CFAP77: variants seen among roughly 807,000 people sequenced by gnomAD.
CFAP77 encodes cilia and flagella associated protein 77.
In CFAP77, 25 loss-of-function variants were observed where a neutral mutation model predicts 31.1. That is an observed-to-expected ratio of 0.80 (90% CI 0.59 to 1.12). CFAP77 has a LOEUF of 1.12. Among genes scored for constraint, CFAP77 ranks in the 50% most tolerant of loss-of-function variants. The pLI, the probability that CFAP77 is intolerant of heterozygous loss-of-function variation, is 0.00. For missense variants in CFAP77, 377 were observed against 397.3 expected (o/e 0.95, Z 0.44); for synonymous variants, 151 against 159.9 (o/e 0.94, Z 0.42).
Position 132,539,709 on chromosome 9 carries a change from G to A in CFAP77, c.630+2003G>A, listed in dbSNP as rs1481028985. Reference sequence around the variant, plus strand: ...GTGGCGGGTGCCAGGGCCTCTCCTGGCTCTTCTCAGCAGTCTGCAGAACGT... The same window carrying A: ...GTGGCGGGTGCCAGGGCCTCTCCTGACTCTTCTCAGCAGTCTGCAGAACGT... On this transcript the variant is annotated intron_variant, in intron 4 of 5. Coordinates refer to ENST00000393216, the MANE Select transcript of CFAP77 (RefSeq NM_001282957.2). This position sits in a 1 kb window ranked among gnomAD's most constrained non-coding sequence, Gnocchi z 4.3. Among the ~76,000 whole-genome samples, 1 of 152,140 alleles carries A rather than the reference G, an allele frequency of 6.6e-6. No individual in the cohort carries two copies. The highest frequency in any genetic ancestry group is 1.5e-5 in the Non-Finnish European group (1 of 68,026).
At chr9:132,445,459 C>G (rs1850693548) in intron 1 of CFAP77, among the ~76,000 whole-genome samples, 1 of 152,182 alleles carries the variant, frequency 6.6e-6, no homozygotes. Flanking sequence ...TATGGATAGA[C>G]CACATTTTGT....
At chr9:132,561,589 C>T (rs189954129) in intron 5 of CFAP77, among the ~76,000 whole-genome samples, 148 of 143,448 alleles carry the variant, frequency 1.0e-3, no homozygotes, top group African/African-American at 3.7e-3. Flanking sequence ...TTTCTTCTGG[C>T]CATTGAGGTG....
chr9:132,487,539 A>T (rs1851582456), intron 1 of CFAP77, among the ~76,000 whole-genome samples: 1 of 151,932 alleles, frequency 6.6e-6, no homozygotes, highest in Non-Finnish European at 1.5e-5. Flanking sequence ...ATCCTCACAC[A>T]TCACAGTTAT....
At chr9:132,549,518 G>C (rs140687620) in intron 5 of CFAP77, among the ~76,000 whole-genome samples, 109 of 152,282 alleles carry the variant, frequency 7.2e-4, no homozygotes, top group African/African-American at 2.6e-3. Context: ...TCAGTATGCC[G>C]ACGAGCTGAC....
intron 3 of CFAP77, among the ~76,000 whole-genome samples, chr9:132,506,812 G>A (rs1358203904): frequency 6.6e-6 from 1 of 152,126 alleles, no homozygotes; most frequent in Non-Finnish European, 1.5e-5. Context: ...TTCTATCCCC[G>A]TTTTACAGAA....
intron 3 of CFAP77, among the ~76,000 whole-genome samples, chr9:132,503,057 A>G (rs1014476585): frequency 6.6e-6 from 1 of 152,194 alleles, no homozygotes; most frequent in Non-Finnish European, 1.5e-5. Context: ...TACCAGGCAC[A>G]TCTCTCCCCA....
chr9:132,464,304 C>T (rs1332924097), intron 1 of CFAP77, among the ~76,000 whole-genome samples: 1 of 152,134 alleles, frequency 6.6e-6, no homozygotes, highest in African/African-American at 2.4e-5. Flanking sequence ...CCCAGCATCT[C>T]CCATTTTACA....
chr9:132,454,034 A>G (rs889893100), intron 1 of CFAP77, among the ~76,000 whole-genome samples: 1 of 152,214 alleles, frequency 6.6e-6, no homozygotes, highest in African/African-American at 2.4e-5. Context: ...TAATTGATGT[A>G]CATTCTTTGC....
At chr9:132,457,092 A>G (rs1850930843) in intron 1 of CFAP77, among the ~76,000 whole-genome samples, 1 of 152,124 alleles carries the variant, frequency 6.6e-6, no homozygotes, top group Admixed American at 6.5e-5. Flanking sequence ...ACTCAGGGCA[A>G]TCCTTCTTAT....
At chr9:132,428,250 T>C (rs1850349427) in intron 1 of CFAP77, among the ~76,000 whole-genome samples, 1 of 151,694 alleles carries the variant, frequency 6.6e-6, no homozygotes, top group African/African-American at 2.4e-5. Context: ...GCTCAAGCAA[T>C]CCTCCTGCAT....
At chr9:132,468,411 A>C (rs1435550633) in intron 1 of CFAP77, among the ~76,000 whole-genome samples, 1 of 152,116 alleles carries the variant, frequency 6.6e-6, no homozygotes, top group East Asian at 1.9e-4. Context: ...CCACTCCAGC[A>C]CTTTCCACTC....
chr9:132,569,715 G>A (rs1829930331), intron 5 of CFAP77, among the ~76,000 whole-genome samples: 3 of 143,272 alleles, frequency 2.1e-5, no homozygotes, highest in Non-Finnish European at 3.0e-5. Flanking sequence ...CTTCCTAAGT[G>A]TCTCTAGCTG....
intron 3 of CFAP77, among the ~76,000 whole-genome samples, chr9:132,502,302 CTTTATTT>C (rs2118972307): frequency 6.8e-6 from 1 of 147,262 alleles, no homozygotes; most frequent in East Asian, 2.0e-4. Flanking sequence ...GTAGTTCCTT[CTTTATTT>C]TTTATTTTTT....
chr9:132,521,801 CTG>C (rs2119020307), intron 3 of CFAP77, among the ~76,000 whole-genome samples: 1 of 109,224 alleles, frequency 9.2e-6, no homozygotes, highest in South Asian at 3.2e-4. Flanking sequence ...AAGTCTCACT[CTG>C]TCACCCAGGC....
intron 1 of CFAP77, among the ~76,000 whole-genome samples, chr9:132,435,005 A>G (rs1415861071): frequency 6.6e-6 from 1 of 152,230 alleles, no homozygotes; most frequent in Non-Finnish European, 1.5e-5. Context: ...CGCTTGAATT[A>G]TACTTGAATG....
chr9:132,419,762 T>C (rs999140347), intron 1 of CFAP77, among the ~76,000 whole-genome samples: 1 of 152,108 alleles, frequency 6.6e-6, no homozygotes, highest in Non-Finnish European at 1.5e-5. Context: ...ACACCTACAA[T>C]GTGCAAGGGA....
intron 1 of CFAP77, among the ~76,000 whole-genome samples, chr9:132,461,953 G>A (rs1442443661): frequency 6.6e-6 from 1 of 152,208 alleles, no homozygotes; most frequent in Non-Finnish European, 1.5e-5. Context: ...TGTTAAGGAG[G>A]AGGAGAAATC....
intron 5 of CFAP77, among the ~76,000 whole-genome samples, chr9:132,560,416 C>A (rs1268499495): frequency 6.6e-6 from 1 of 152,136 alleles, no homozygotes; most frequent in Non-Finnish European, 1.5e-5. Context: ...ACACACACAC[C>A]CCACCTTGGG....
intron 1 of CFAP77, among the ~76,000 whole-genome samples, chr9:132,483,733 C>G (rs1851489731): frequency 2.6e-5 from 4 of 152,164 alleles, no homozygotes; most frequent in Admixed American, 2.6e-4. Flanking sequence ...CACTCCCCAC[C>G]CCATGCCCAC....
Sources: allele counts gnomAD v4.1 joint callset (sites outside exome capture counted in the v4.1 genomes callset), GRCh38; gene constraint gnomAD v4.1.1; non-coding constraint Gnocchi (gnomAD v3.1); transcripts MANE v1.5; gene names NCBI Gene and HGNC (gene_info 2026-07-23, HGNC 2026-07-21).